ADCY6: variants seen among roughly 807,000 people sequenced by gnomAD.
ADCY6 encodes the protein adenylate cyclase type 6.
A neutral mutation model predicts 111.6 loss-of-function variants in ADCY6; 59 were observed. The ratio of observed to expected loss-of-function variants is 0.53; its 90% CI spans 0.43 to 0.66. The LOEUF is 0.66. Among genes scored for constraint, ADCY6 ranks in the 30% least tolerant of loss-of-function variants. The probability of loss-of-function intolerance (pLI) is 0.00; values close to 1 mark genes in which losing one functional copy is unlikely to be tolerated. For synonymous variants in ADCY6, 576 were observed against 642.9 expected (o/e 0.90, Z 1.57); for missense variants, 1,242 against 1,595.6 (o/e 0.78, Z 3.78).
intron 16 of ADCY6, 148 bp from the exon 17 acceptor site, chr12:48,772,691 A>C (rs1388638635): frequency 1.5e-5 from 13 of 892,494 alleles, no homozygotes; most frequent in Non-Finnish European, 2.1e-5. Context: ...TAATTAACTC[A>C]TTAAGAGTAG....
Position 48,783,233 on chromosome 12 carries a change from C to G in ADCY6, c.202G>C (p.Asp68His). 1 of 1,609,268 alleles carries G rather than the reference C, an allele frequency of 6.2e-7. No homozygotes were observed. Among genetic ancestry groups the G allele is most frequent in the Non-Finnish European group, 8.5e-7 (1 of 1,179,526 alleles). ...GGGCCGCCCCTCCGGATGAAGGCGT[C>G]ATCCTGCCAGGGGCACCGAGGGGGG... ...AGPPRCPWQD[D>H]AFIRRGGPGK... is the part of the protein sequence containing the mutation. Residue 68 changes from aspartate to histidine, a missense_variant, in exon 2 of 22, where the codon GAC (aspartate) becomes CAC (histidine). Asp to His is a moderately conservative substitution (Grantham distance 81). Transcript: ENST00000357869.
chr12:48,777,467 C>A lies in ADCY6; in HGVS notation c.1191G>T (p.Ala397=). The part of the protein sequence containing the change: ...GFTSLASQCT[A]QELVMTLNEL... ...CATTCAGGGTCATGACCAGCTCCTG[C>A]GCAGTGCACTGGGATGCCAGGCTGG... Residue 397 remains alanine, a synonymous_variant, in exon 5 of 22, where the codon GCG becomes GCT. Coordinates refer to ENST00000357869, the MANE Select transcript of ADCY6 (RefSeq NM_015270.5). This position sits in a 1 kb window ranked among gnomAD's most constrained non-coding sequence, Gnocchi z 4.9. 6.2e-7 allele frequency: 1 copy of A among 1,613,256 alleles called. No individual in the cohort carries two copies. The highest frequency in any genetic ancestry group is 1.1e-5 in the South Asian group (1 of 91,084).
intron 2 of ADCY6, among the ~76,000 whole-genome samples, chr12:48,781,518 A>T (rs997941919): frequency 1.3e-5 from 2 of 152,078 alleles, no homozygotes; most frequent in African/African-American, 4.8e-5. Flanking sequence ...CCACAAACTA[A>T]CATCTCTCTG....
Position 48,772,290 on chromosome 12 carries a change from G to A in ADCY6, c.2787+5C>T. ...TCCTCTTCCCCCAAAGGCCCACACA[G>A]TCACCTGTAGTTTCCAGAGGAAGTC... On this transcript the variant is annotated splice_donor_5th_base_variant and intron_variant, in intron 18 of 21. Coordinates refer to ENST00000357869, the MANE Select transcript of ADCY6 (RefSeq NM_015270.5). The A allele has an allele frequency of 6.2e-7, 1 of 1,610,324 alleles. No homozygotes were observed.
rs1472205753 is a variant in ADCY6 at position 48,783,369 on chromosome 12, G to A, written c.66C>T (p.Arg22=). The stretch of plus-strand genomic sequence containing the variant: ...GGCGCCGCGAACGCTTCTGCCCATT[G>A]CGTTCACCCCAGGCTGTTTTCCGTT... ...VDERKTAWGE[R]NGQKRSRRRG... Residue 22 remains arginine, a synonymous_variant, in exon 2 of 22, where the codon CGC becomes CGT. Coordinates refer to ENST00000357869, the MANE Select transcript of ADCY6 (RefSeq NM_015270.5). 6.2e-7 allele frequency: 1 copy of A among 1,614,228 alleles called. No homozygotes were observed. The highest frequency in any genetic ancestry group is 1.7e-5 in the Admixed American group (1 of 60,026).
rs938420123 is a variant in ADCY6, at chr12:48,783,168, C to G, written c.267G>C (p.Leu89=). The G allele has an allele frequency of 6.2e-7, 1 of 1,607,028 alleles. No individual in the cohort carries two copies. The highest frequency in any genetic ancestry group is 1.3e-5 in the African/African-American group (1 of 74,934). Residue 89 remains leucine (L), a synonymous_variant, in exon 2 of 22, where the codon CTG becomes CTC. Transcript: ENST00000357869. The part of the protein sequence containing the change: ...GKELGLRAVA[L]GFEDTEVTTT... ...TTGTCACCTCGGTATCCTCGAAGCC[C>G]AGGGCCACTGCCCGCAGCCCCAGCT...
In ADCY6 at chr12:48,771,145, G is replaced by T. The variant is rs1429538043; in HGVS notation, c.3052-175C>A. ...GGAGCTGGGAAAACAGGCAGCCTAG[G>T]ACTCCAGGCAGGACTTGGGCATACA... is the stretch of plus-strand genomic sequence containing the variant. On this transcript the variant is annotated intron_variant, in intron 19 of 21. Transcript: ENST00000357869. The surrounding 1 kb of genome is among the most constrained non-coding windows in gnomAD (Gnocchi z 4.3). 1 of 650,536 alleles carries T rather than the reference G, an allele frequency of 1.5e-6. No individual in the cohort carries two copies. The highest frequency in any genetic ancestry group is 1.8e-5 in the African/African-American group (1 of 54,956). The allele number at this position is 650,536 out of a possible 1,614,324, so 40.3% of individuals were successfully genotyped here. A position where few individuals can be genotyped will look rare whatever the true frequency, so the allele number is the denominator to read the frequency against.
At chr12:48,778,484 T>C in intron 2 of ADCY6, 3 of 544,614 alleles carry the variant, frequency 5.5e-6, no homozygotes, top group Non-Finnish European at 9.8e-6. Flanking sequence ...AATGAGATCT[T>C]TTCACAGCTT....
At chr12:48,781,048 A>C (rs1283462715) in intron 2 of ADCY6, among the ~76,000 whole-genome samples, 2 of 152,070 alleles carry the variant, frequency 1.3e-5, no homozygotes, top group Non-Finnish European at 2.9e-5. Context: ...AAATACAAAA[A>C]TTAGCTGGGC....
At chr12:48,780,229 C>A (rs560536347) in intron 2 of ADCY6, among the ~76,000 whole-genome samples, 13 of 152,246 alleles carry the variant, frequency 8.5e-5, no homozygotes, top group Admixed American at 2.6e-4. Context: ...AAAATGGATG[C>A]CAGGGGACCG....
Position 48,776,986 on chromosome 12 carries a change from C to T in ADCY6, c.1376+118G>A. On this transcript the variant is annotated intron_variant, in intron 6 of 21. Coordinates refer to ENST00000357869, the MANE Select transcript of ADCY6 (RefSeq NM_015270.5). The surrounding 1 kb of genome is among the most constrained non-coding windows in gnomAD (Gnocchi z 6.1). ...AAAGATTCCCCTTCCCAGTGACAGACAGACCTCAAAGACAGAGAAAGCCAA... is the reference window on the plus strand; with the variant it reads ...AAAGATTCCCCTTCCCAGTGACAGATAGACCTCAAAGACAGAGAAAGCCAA... 7.1e-7 allele frequency: 1 copy of T among 1,407,902 alleles called. No individual in the cohort carries two copies. Among genetic ancestry groups the T allele is most frequent in the Non-Finnish European group, 9.5e-7 (1 of 1,047,580 alleles). 87.2% of individuals were successfully genotyped at this position (1,407,902 alleles called of 1,614,324 possible).
intron 14 of ADCY6, 23 bp downstream of exon 14, chr12:48,774,379 G>A: frequency 1.3e-6 from 2 of 1,588,244 alleles, no homozygotes; most frequent in Non-Finnish European, 8.6e-7. Flanking sequence ...GCAGAGGTGG[G>A]AGAATTCCCA....
At position 48,772,698 on chromosome 12, in the gene ADCY6, G is replaced by T. The variant is rs73296126; in HGVS notation, c.2622-155C>A. On this transcript the variant is annotated intron_variant, in intron 16 of 21. Transcript: ENST00000357869. ...ACTTACATTAATTAACTCATTAAGAGTAGAGGTTAAGAAAACCTCTGCTCT... is the reference window on the plus strand; with the variant it reads ...ACTTACATTAATTAACTCATTAAGATTAGAGGTTAAGAAAACCTCTGCTCT... Among the ~76,000 whole-genome samples, 2,603 of 152,286 alleles carry T rather than the reference G, an allele frequency of 0.017. 71 individuals are homozygous for T. The highest frequency in any genetic ancestry group is 0.059 in the African/African-American group (2,457 of 41,538).
In ADCY6 at chr12:48,768,584, G is replaced by C. The variant is rs1432410424; in HGVS notation, c.*7C>G. The C allele has an allele frequency of 6.2e-7, 1 of 1,614,056 alleles. No homozygotes were observed. Among genetic ancestry groups the C allele is most frequent in the East Asian group, 2.2e-5 (1 of 44,864 alleles). On this transcript the variant is annotated 3_prime_UTR_variant, in exon 22 of 22. Coordinates refer to ENST00000357869, the MANE Select transcript of ADCY6 (RefSeq NM_015270.5). Reference sequence around the variant, plus strand: ...GTCCCTTCAGCTGAATTTGTGGCTGGGCCCTGTTAACTGCTGGGGCCCCCA... The same window carrying C: ...GTCCCTTCAGCTGAATTTGTGGCTGCGCCCTGTTAACTGCTGGGGCCCCCA...
Position 48,777,632 on chromosome 12 carries a change from C to T in ADCY6, c.1119G>A (p.Gln373=). Reference sequence around the variant, plus strand: ...CACCCTACCTGACATTGTCATGCTTCTGTATGTAGATCTTGTGGAACATCA... The same window carrying T: ...CACCCTACCTGACATTGTCATGCTTTTGTATGTAGATCTTGTGGAACATCA... The part of the protein sequence containing the change: ...EDMMFHKIYI[Q]KHDNVSILFA... Residue 373 remains glutamine (Q), a synonymous_variant, in exon 4 of 22, where the codon CAG becomes CAA. Transcript: ENST00000357869. The surrounding 1 kb of genome is among the most constrained non-coding windows in gnomAD (Gnocchi z 4.9). 1.2e-6 allele frequency: 2 copies of T among 1,614,250 alleles called. No homozygotes were observed. Among genetic ancestry groups the T allele is most frequent in the Non-Finnish European group, 8.5e-7 (1 of 1,180,048 alleles).
chr12:48,787,894 C>T (rs1018234908), intron 1 of ADCY6, among the ~76,000 whole-genome samples: 1 of 152,198 alleles, frequency 6.6e-6, no homozygotes, highest in East Asian at 1.9e-4. Context: ...CAGCCAAGGC[C>T]AAGGCCCAGC....
Position 48,768,608 on chromosome 12 carries a change from C to T in ADCY6, c.3490G>A (p.Gly1164Arg). Reference sequence around the variant, plus strand: ...GGGCCCTGTTAACTGCTGGGGCCCCCATTGAGGAAGTAGGTGGTCATCTCC... The same window carrying T: ...GGGCCCTGTTAACTGCTGGGGCCCCTATTGAGGAAGTAGGTGGTCATCTCC... ...KGEMTTYFLN[G>R]GPSS The change falls in exon 22 of 22, where the codon GGG (glycine) becomes AGG (arginine). Residue 1164 changes from glycine to arginine, a missense_variant. By Grantham distance (125) the Gly-to-Arg change is moderately radical. Transcript: ENST00000357869. 8 of 1,614,134 alleles carry T rather than the reference C, an allele frequency of 5.0e-6. No individual in the cohort carries two copies. Among genetic ancestry groups the T allele is most frequent in the African/African-American group, 1.3e-5 (1 of 75,032 alleles).
intron 1 of ADCY6, among the ~76,000 whole-genome samples, chr12:48,784,574 G>A (rs1941939680): frequency 1.3e-5 from 2 of 151,406 alleles, no homozygotes; most frequent in South Asian, 4.2e-4. Context: ...GCATGGGGCA[G>A]GCACCACCCA....
chr12:48,771,202 C>T lies in ADCY6; in HGVS notation c.3052-232G>A, dbSNP rs549693207. The T allele has an allele frequency of 1.7e-6, 1 of 575,346 alleles. No individual in the cohort carries two copies. Among genetic ancestry groups the T allele is most frequent in the Non-Finnish European group, 3.1e-6 (1 of 322,058 alleles). The allele number at this position is 575,346 out of a possible 1,614,324, so 35.6% of individuals were successfully genotyped here. On this transcript the variant is annotated intron_variant, in intron 19 of 21. Coordinates refer to ENST00000357869, the MANE Select transcript of ADCY6 (RefSeq NM_015270.5). The surrounding 1 kb of genome is among the most constrained non-coding windows in gnomAD (Gnocchi z 4.3). ...GAAGGTCCCTCCAGTAGCTCACTCA[C>T]AGAACACAGACCCACAAGTGCAATA...
Sources: gnomAD v4.1 joint callset for allele counts (sites outside exome capture counted in the v4.1 genomes callset) on GRCh38, gnomAD v4.1.1 for gene constraint, Gnocchi (gnomAD v3.1) non-coding constraint, MANE v1.5 for transcripts, NCBI Gene and HGNC (gene_info 2026-07-23, HGNC 2026-07-21) for gene names.